The following C1QTNF5 variants were observed in gnomAD, a reference collection of about 807,000 sequenced individuals.
C1QTNF5 encodes the protein complement C1q tumor necrosis factor-related protein 5.
In C1QTNF5, 5 loss-of-function variants were observed where a neutral mutation model predicts 10.9. The observed-to-expected ratio is 0.46, with a 90% confidence interval of 0.24 to 0.97. C1QTNF5 has a LOEUF of 0.97. C1QTNF5 is among the 50% of genes least tolerant of loss of function. The pLI is 0.19. For synonymous variants in C1QTNF5, 161 were observed against 156.5 expected (o/e 1.03, Z -0.22); for missense variants, 281 against 339.4 (o/e 0.83, Z 1.35).
At chr11:119,344,946 C>T, upstream of C1QTNF5, 1 of 1,610,524 alleles carries the variant, frequency 6.2e-7, no homozygotes, top group African/African-American at 1.3e-5. Flanking sequence ...GAGACGAAGA[C>T]CACCAGGAGG....
At chr11:119,341,657 T>G (rs571065402), upstream of C1QTNF5, 7 of 1,612,980 alleles carry the variant, frequency 4.3e-6, no homozygotes, top group East Asian at 1.6e-4. Context: ...GTGCTCCGCT[T>G]CCTGGCAGAC....
chr11:119,344,647 T>C (rs1565294736), upstream of C1QTNF5: 1 of 1,614,002 alleles, frequency 6.2e-7, no homozygotes, highest in East Asian at 2.2e-5. Context: ...AACTTGGCAC[T>C]GCAATTGGTC....
chr11:119,339,246 G>T lies in C1QTNF5; in HGVS notation c.*85C>A. 6.9e-7 allele frequency: 1 copy of T among 1,457,316 alleles called. No individual in the cohort carries two copies. Among genetic ancestry groups the T allele is most frequent in the Non-Finnish European group, 9.4e-7 (1 of 1,068,070 alleles). 90.3% of individuals were successfully genotyped at this position (1,457,316 alleles called of 1,614,324 possible). A position where few individuals can be genotyped will look rare whatever the true frequency, so the allele number is the denominator to read the frequency against. The stretch of plus-strand genomic sequence containing the variant: ...CCCTAGTCATTCACAATATTCCAGG[G>T]GGGCCAGCCCTCCTGGATGACCTGG... On this transcript the variant is annotated 3_prime_UTR_variant, in exon 3 of 3. Transcript: ENST00000528368. This position sits in a 1 kb window ranked among gnomAD's most constrained non-coding sequence, Gnocchi z 5.4.
upstream of C1QTNF5, chr11:119,342,006 C>T (rs1244370596): frequency 6.2e-7 from 1 of 1,612,630 alleles, no homozygotes; most frequent in African/African-American, 1.3e-5. Flanking sequence ...GAGGGGAGGG[C>T]CACTGTGGGG....
chr11:119,341,642 C>T (rs762547647), upstream of C1QTNF5: 1 of 1,612,982 alleles, frequency 6.2e-7, no homozygotes, highest in Non-Finnish European at 8.5e-7. Context: ...GCCAGACTGG[C>T]ACTGGTGCTC....
At position 119,339,270 on chromosome 11, in the gene C1QTNF5, G is replaced by C; in HGVS notation, c.*61C>G. The stretch of plus-strand genomic sequence containing the variant: ...GGGGGCCAGCCCTCCTGGATGACCT[G>C]GTTGTCAGCCTCACACCCTCCTTCT... On this transcript the variant is annotated 3_prime_UTR_variant, in exon 3 of 3. Coordinates refer to ENST00000528368, the MANE Select transcript of C1QTNF5 (RefSeq NM_001278431.2). The surrounding 1 kb of genome is among the most constrained non-coding windows in gnomAD (Gnocchi z 5.4). 1 of 1,563,366 alleles carries C rather than the reference G, an allele frequency of 6.4e-7. No homozygotes were observed. The highest frequency in any genetic ancestry group is 8.7e-7 in the Non-Finnish European group (1 of 1,150,198).
chr11:119,344,789 C>G, upstream of C1QTNF5: 1 of 1,613,770 alleles, frequency 6.2e-7, no homozygotes, highest in Non-Finnish European at 8.5e-7. Context: ...CAGGGAGGCC[C>G]GGAGTCTCCA....
chr11:119,344,169 A>G (rs1259704105), upstream of C1QTNF5: 2 of 963,268 alleles, frequency 2.1e-6, no homozygotes, highest in Non-Finnish European at 1.6e-6. Context: ...CAGGCACTTA[A>G]TAATATTCCC....
chr11:119,344,298 T>C, upstream of C1QTNF5: 1 of 1,612,574 alleles, frequency 6.2e-7, no homozygotes, highest in East Asian at 2.2e-5. Context: ...CCGTTCTGCA[T>C]GGAGCACTGT....
chr11:119,341,383 T>C, upstream of C1QTNF5: 1 of 626,414 alleles, frequency 1.6e-6, no homozygotes, highest in East Asian at 2.7e-5. Context: ...GGGAGGGTGG[T>C]AGGGTCCCAT....
chr11:119,340,539 GCC>G, intron 1 of C1QTNF5, 99 bp from the exon 2 acceptor site: 1 of 864,018 alleles, frequency 1.2e-6, no homozygotes, highest in Non-Finnish European at 1.8e-6. Flanking sequence ...CCACTGCCGT[GCC>G]CCTGAGGCTG....
upstream of C1QTNF5, chr11:119,342,598 G>C (rs1275135911): frequency 6.2e-7 from 1 of 1,613,136 alleles, no homozygotes. Flanking sequence ...CTTCTCACCT[G>C]GGGGTGGGAA....
upstream of C1QTNF5, chr11:119,345,627 C>T: frequency 6.2e-7 from 1 of 1,613,600 alleles, no homozygotes; most frequent in East Asian, 2.2e-5. Context: ...GAGGAGGCCT[C>T]CACAGGCTGC....
intron 2 of C1QTNF5, 84 bp downstream of exon 2, chr11:119,340,100 C>G (rs969299478): frequency 7.0e-7 from 1 of 1,425,018 alleles, no homozygotes; most frequent in Non-Finnish European, 9.2e-7. Context: ...TGGCGGGAGA[C>G]CCGAGTCCCG....
upstream of C1QTNF5, chr11:119,342,514 T>C: frequency 1.3e-6 from 2 of 1,560,974 alleles, no homozygotes; most frequent in Non-Finnish European, 1.7e-6. Context: ...GAGGTTGGGA[T>C]GGGACACTGT....
chr11:119,344,938 G>C (rs748740586), upstream of C1QTNF5: 2 of 1,610,994 alleles, frequency 1.2e-6, no homozygotes, highest in South Asian at 1.1e-5. Context: ...TGCTGTCAGA[G>C]ACGAAGACCA....
At chr11:119,342,757 G>A (rs775243867), upstream of C1QTNF5, 41 of 1,613,220 alleles carry the variant, frequency 2.5e-5, no homozygotes, top group East Asian at 1.3e-4. Context: ...GGCAGTGCCC[G>A]GGGACATACC....
chr11:119,343,803 C>T (rs375934498), upstream of C1QTNF5: 1 of 1,613,702 alleles, frequency 6.2e-7, no homozygotes, highest in Middle Eastern at 1.6e-4. Context: ...TGGCTCTTCC[C>T]TGGCTCCTGT....
chr11:119,346,130 A>G, the C1QTNF5 span: 1 of 1,602,844 alleles, frequency 6.2e-7, no homozygotes, highest in South Asian at 1.1e-5. Context: ...GAGAAGCGGC[A>G]GTCTGGCCGT....
Sources: allele counts gnomAD v4.1 joint callset, GRCh38; gene constraint gnomAD v4.1.1; non-coding constraint Gnocchi (gnomAD v3.1); transcripts MANE v1.5; gene names NCBI Gene and HGNC (gene_info 2026-07-23, HGNC 2026-07-21).